Variants in FUT8 observed in about 807,000 individuals in gnomAD.
FUT8 encodes alpha-(1,6)-fucosyltransferase.
In FUT8, 29 loss-of-function variants were observed where a neutral mutation model predicts 71.3. That is an observed-to-expected ratio of 0.41 (90% CI 0.30 to 0.55). FUT8 has a LOEUF of 0.55. Ranked by LOEUF, FUT8 falls within the 20% of genes least tolerant of loss-of-function variation. The pLI, the probability that FUT8 is intolerant of heterozygous loss-of-function variation, is 0.34. For synonymous variants in FUT8, 254 were observed against 239.3 expected (o/e 1.06, Z -0.57); for missense variants, 544 against 702.1 (o/e 0.77, Z 2.55).
rs1027867559 is a variant in FUT8, at chr14:65,574,268, T to G, written c.203+12502T>G. 6.6e-6 allele frequency among the ~76,000 whole-genome samples: 1 copy of G among 152,142 alleles called. No homozygotes were observed. Among genetic ancestry groups the G allele is most frequent in the Non-Finnish European group, 1.5e-5 (1 of 68,020 alleles). ...GCTAGCAAGATAAAGTTTCAGTCTT[T>G]TTAAACACAGTCATGGAAGATACAT... On this transcript the variant is annotated intron_variant, in intron 3 of 10. Transcript: ENST00000673929. The surrounding 1 kb of genome is among the most constrained non-coding windows in gnomAD (Gnocchi z 5.2).
intron 7 of FUT8, among the ~76,000 whole-genome samples, chr14:65,675,742 T>C (rs1892682847): frequency 6.6e-6 from 1 of 151,774 alleles, no homozygotes; most frequent in South Asian, 2.1e-4. Context: ...GTAATCCCAG[T>C]ACTTTGGGAG....
chr14:65,729,393 A>G (rs1378640351), intron 9 of FUT8, among the ~76,000 whole-genome samples: 1 of 152,134 alleles, frequency 6.6e-6, no homozygotes, highest in African/African-American at 2.4e-5. Flanking sequence ...CCATTCTTCT[A>G]ATATTAGGCA....
At chr14:65,379,790 T>C in the FUT8 span, among the ~76,000 whole-genome samples, 7 of 152,330 alleles carry the variant, frequency 4.6e-5, no homozygotes, top group African/African-American at 1.4e-4. Flanking sequence ...TTGTAGGGGC[T>C]GGGAAGTCCA....
intron 1 of FUT8, among the ~76,000 whole-genome samples, chr14:65,419,949 T>C (rs1195367429): frequency 1.3e-5 from 2 of 152,334 alleles, no homozygotes; most frequent in East Asian, 1.9e-4. Context: ...AAGTATCTGC[T>C]TGATACATCT....
At chr14:65,697,839 G>T (rs1405226868) in intron 7 of FUT8, among the ~76,000 whole-genome samples, 4 of 152,076 alleles carry the variant, frequency 2.6e-5, no homozygotes, top group African/African-American at 2.4e-5. Context: ...GCTGGGCGTG[G>T]TGGCACATTC....
At chr14:65,608,443 A>T (rs1054191840) in intron 3 of FUT8, among the ~76,000 whole-genome samples, 12 of 151,968 alleles carry the variant, frequency 7.9e-5, no homozygotes, top group African/African-American at 2.7e-4. Flanking sequence ...AGAGCCGTGT[A>T]ATCATTTCAT....
chr14:65,515,360 G>T (rs1315485650), intron 2 of FUT8, among the ~76,000 whole-genome samples: 2 of 151,990 alleles, frequency 1.3e-5, no homozygotes, highest in Non-Finnish European at 2.9e-5. Context: ...GGGAAATTAT[G>T]CATCCAAAGG....
chr14:65,584,778 T>G (rs939836847), intron 3 of FUT8, among the ~76,000 whole-genome samples: 6 of 152,366 alleles, frequency 3.9e-5, no homozygotes, highest in Admixed American at 6.5e-5. Flanking sequence ...TGCCTTAGGT[T>G]CTTCTTTGTC....
chr14:65,427,246 A>G (rs1030036779), intron 1 of FUT8, among the ~76,000 whole-genome samples: 3 of 152,184 alleles, frequency 2.0e-5, no homozygotes, highest in East Asian at 1.9e-4. Context: ...TAATGCTTTC[A>G]TGAACATTGG....
chr14:65,478,103 C>T (rs1257582633), intron 2 of FUT8, among the ~76,000 whole-genome samples: 3 of 152,050 alleles, frequency 2.0e-5, no homozygotes, highest in Non-Finnish European at 4.4e-5. Flanking sequence ...TGTCTTTCTT[C>T]TTGGACATAC....
chr14:65,426,551 A>C (rs1321652948), intron 1 of FUT8, among the ~76,000 whole-genome samples: 1 of 152,176 alleles, frequency 6.6e-6, no homozygotes, highest in Non-Finnish European at 1.5e-5. Flanking sequence ...TAAAGGATAG[A>C]AGTTATTTTA....
chr14:65,614,379 A>G (rs1018551029), intron 3 of FUT8, among the ~76,000 whole-genome samples: 1 of 152,226 alleles, frequency 6.6e-6, no homozygotes, highest in African/African-American at 2.4e-5. Context: ...CTTTAGGACA[A>G]TTTTGTAAAA....
intron 2 of FUT8, among the ~76,000 whole-genome samples, chr14:65,486,596 T>C (rs895694673): frequency 2.0e-5 from 3 of 152,212 alleles, no homozygotes; most frequent in African/African-American, 7.2e-5. Flanking sequence ...GAAGAATGCA[T>C]TTGTTTCTTA....
chr14:65,646,051 A>G (rs1318113959), intron 6 of FUT8: 1 of 152,240 alleles, frequency 6.6e-6, no homozygotes, highest in Non-Finnish European at 1.5e-5. Flanking sequence ...TGAGAGACAG[A>G]TATCTTAACT....
chr14:65,617,544 T>G (rs1412806848), intron 5 of FUT8, among the ~76,000 whole-genome samples: 1 of 152,166 alleles, frequency 6.6e-6, no homozygotes. Flanking sequence ...CTTATCACAG[T>G]TTTTTAGGCC....
At chr14:65,395,367 G>A in the FUT8 span, among the ~76,000 whole-genome samples, 1 of 152,250 alleles carries the variant, frequency 6.6e-6, no homozygotes, top group African/African-American at 2.4e-5. Flanking sequence ...CACTGCCCTA[G>A]CAGAGGTTCT....
intron 2 of FUT8, among the ~76,000 whole-genome samples, chr14:65,498,259 A>G (rs1345319483): frequency 6.6e-6 from 1 of 152,136 alleles, no homozygotes; most frequent in African/African-American, 2.4e-5. Context: ...TTCAAGTAAA[A>G]TCTTACTCAA....
chr14:65,692,872 T>C (rs1386118040), intron 7 of FUT8, among the ~76,000 whole-genome samples: 19 of 123,952 alleles, frequency 1.5e-4, no homozygotes, highest in African/African-American at 4.8e-4. Flanking sequence ...CCAGACGGGG[T>C]GGCGGGGCAG....
chr14:65,507,088 T>C (rs1405230891), intron 2 of FUT8, among the ~76,000 whole-genome samples: 1 of 152,212 alleles, frequency 6.6e-6, no homozygotes, highest in African/African-American at 2.4e-5. Flanking sequence ...TTAGAGGTAA[T>C]TGACATTGTG....
Sources: gnomAD v4.1 joint callset for allele counts (sites outside exome capture counted in the v4.1 genomes callset) on GRCh38, gnomAD v4.1.1 for gene constraint, Gnocchi (gnomAD v3.1) non-coding constraint, MANE v1.5 for transcripts, NCBI Gene and HGNC (gene_info 2026-07-23, HGNC 2026-07-21) for gene names.